Variants in LONP1 observed in about 807,000 individuals in gnomAD.
LONP1 encodes the protein lon protease homolog, mitochondrial.
LONP1 carries 31 observed loss-of-function variants against 98.5 expected under a neutral mutation model. The ratio of observed to expected loss-of-function variants is 0.31; its 90% confidence interval spans 0.24 to 0.42. The LOEUF is 0.42. Among genes scored for constraint, LONP1 ranks in the 20% least tolerant of loss-of-function variants. The probability of loss-of-function intolerance (pLI) is 1.00; values close to 1 mark genes in which losing one functional copy is unlikely to be tolerated. For missense variants in LONP1, 1,336 were observed against 1,350.6 expected, an observed-to-expected ratio of 0.99 and a Z score of 0.17; for synonymous variants, 781 against 594.7, an observed-to-expected ratio of 1.31 and a Z score of -4.56.
Position 5,719,785 on chromosome 19 carries a change from C to A in LONP1, c.348G>T (p.Thr116=). 1.2e-6 allele frequency: 2 copies of A among 1,613,216 alleles called. No individual in the cohort carries two copies. Among genetic ancestry groups the A allele is most frequent in the South Asian group, 1.1e-5 (1 of 91,076 alleles). The change falls in exon 1 of 18, where the codon ACG becomes ACT. Residue 116 remains threonine (T), a synonymous_variant. Coordinates refer to ENST00000360614, the MANE Select transcript of LONP1 (RefSeq NM_004793.4). ...GCAGGTGCGGAAACACATCGGGGATCGTCATGGGCGTGAGCGCCGTTATGA... is the reference window on the plus strand; with the variant it reads ...GCAGGTGCGGAAACACATCGGGGATAGTCATGGGCGTGAGCGCCGTTATGA... ...GPVITALTPM[T]IPDVFPHLPL...
intron 7 of LONP1, among the ~76,000 whole-genome samples, chr19:5,706,568 T>C (rs545560564): frequency 2.8e-4 from 42 of 152,102 alleles, no homozygotes; most frequent in Non-Finnish European, 3.7e-4. Context: ...GATTGCGCCA[T>C]TGCACTCCAG....
chr19:5,699,230 G>C, intron 9 of LONP1, 25 bp from the exon 10 acceptor site: 1 of 1,474,414 alleles, frequency 6.8e-7, no homozygotes, highest in Non-Finnish European at 9.0e-7. Flanking sequence ...AGGTTCAGTG[G>C]GCACGTGAGC....
intron 2 of LONP1, among the ~76,000 whole-genome samples, chr19:5,713,549 C>T (rs553767926): frequency 2.0e-5 from 3 of 152,136 alleles, no homozygotes; most frequent in Non-Finnish European, 2.9e-5. Context: ...GAGCCTGCTT[C>T]GAATGCATGC....
At position 5,720,115 on chromosome 19, in the gene LONP1, G is replaced by C; in HGVS notation, c.18C>G (p.Gly6=). Residue 6 remains glycine (G), a synonymous_variant, in exon 1 of 18, where the codon GGC becomes GGG. Coordinates refer to ENST00000360614, the MANE Select transcript of LONP1 (RefSeq NM_004793.4). The part of the protein sequence containing the change: MAAST[G]YVRLWGAARC... ...GCGCCGCTCCCCACAGTCGCACGTAGCCAGTGCTCGCCGCCATAGCCCGGC... is the reference window on the plus strand; with the variant it reads ...GCGCCGCTCCCCACAGTCGCACGTACCCAGTGCTCGCCGCCATAGCCCGGC... The C allele has an allele frequency of 7.0e-7, 1 of 1,432,102 alleles. No homozygotes were observed. Among genetic ancestry groups the C allele is most frequent in the Non-Finnish European group, 9.1e-7 (1 of 1,101,538 alleles). 88.7% of individuals were successfully genotyped at this position (1,432,102 alleles called of 1,614,324 possible).
chr19:5,710,229 C>A (rs1003967466), intron 4 of LONP1, among the ~76,000 whole-genome samples: 42 of 151,686 alleles, frequency 2.8e-4, no homozygotes, highest in Non-Finnish European at 5.9e-4. Flanking sequence ...GGATTACAGG[C>A]ATAAGCCACC....
chr19:5,693,066 C>T (rs768927042), intron 17 of LONP1, among the ~76,000 whole-genome samples: 6 of 152,340 alleles, frequency 3.9e-5, no homozygotes, highest in African/African-American at 1.2e-4. Context: ...GCCACCCCCC[C>T]AATCCTACTG....
chr19:5,717,421 C>T (rs1236910074), intron 1 of LONP1: 3 of 152,196 alleles, frequency 2.0e-5, no homozygotes, highest in African/African-American at 7.2e-5. Flanking sequence ...ACCAGAAATA[C>T]AATGAGAACC....
intron 4 of LONP1, 65 bp from the exon 5 acceptor site, chr19:5,708,468 G>GCC: frequency 7.3e-6 from 4 of 551,264 alleles, no homozygotes; most frequent in Non-Finnish European, 6.8e-6. Context: ...GGCTGGGTGG[G>GCC]AGCATGGCCC....
chr19:5,696,509 G>A (rs1189835829), intron 11 of LONP1, 138 bp from the exon 12 acceptor site: 2 of 1,342,196 alleles, frequency 1.5e-6, no homozygotes, highest in Admixed American at 2.2e-5. Context: ...GCAGCCTGCT[G>A]GGCGTGGCTG....
intron 9 of LONP1, among the ~76,000 whole-genome samples, chr19:5,699,742 T>C (rs1599456340): frequency 6.6e-6 from 1 of 151,578 alleles, no homozygotes; most frequent in East Asian, 2.0e-4. Context: ...GTATTTTTAG[T>C]AGAGGCGAGG....
At chr19:5,704,746 C>T (rs1335937687) in intron 8 of LONP1, among the ~76,000 whole-genome samples, 1 of 152,206 alleles carries the variant, frequency 6.6e-6, no homozygotes, top group East Asian at 1.9e-4. Flanking sequence ...GGACAGTGGC[C>T]CCCGGGCAAG....
intron 3 of LONP1, 46 bp downstream of exon 3, chr19:5,713,088 G>C (rs200303306): frequency 6.2e-7 from 1 of 1,612,588 alleles, no homozygotes; most frequent in East Asian, 2.2e-5. Flanking sequence ...GGTCTCCCGC[G>C]TGGTACTCTG....
At chr19:5,709,423 C>T (rs186037963) in intron 4 of LONP1, among the ~76,000 whole-genome samples, 5 of 152,046 alleles carry the variant, frequency 3.3e-5, no homozygotes, top group Admixed American at 1.3e-4. Context: ...ATCACTTGAA[C>T]CCAGGAGGCG....
chr19:5,717,724 G>T (rs1403146613), intron 1 of LONP1: 1 of 152,246 alleles, frequency 6.6e-6, no homozygotes, highest in African/African-American at 2.4e-5. Flanking sequence ...ACAGCATCAC[G>T]TTATTGCTGA....
Position 5,693,293 on chromosome 19 carries a change from C to T in LONP1, c.2703+5G>A, listed in dbSNP as rs752508824. 1 of 1,606,876 alleles carries T rather than the reference C, an allele frequency of 6.2e-7. No homozygotes were observed. Among genetic ancestry groups the T allele is most frequent in the Non-Finnish European group, 8.5e-7 (1 of 1,175,114 alleles). ...GTGCTGTGGGGTGGGTACAGGGACA[C>T]TCACCGCAATGGTCTTCTCCTTGAT... On this transcript the variant is annotated splice_donor_5th_base_variant and intron_variant, in intron 17 of 17. Coordinates refer to ENST00000360614, the MANE Select transcript of LONP1 (RefSeq NM_004793.4).
At position 5,710,463 on chromosome 19, in the gene LONP1, A is replaced by G. The variant is rs534312017; in HGVS notation, c.870+1308T>C. Among the ~76,000 whole-genome samples the G allele has an allele frequency of 1.1e-4, 16 of 152,074 alleles. No homozygotes were observed. In the East Asian group the frequency reaches 3.1e-3, roughly 29 times the overall value. On this transcript the variant is annotated intron_variant, in intron 4 of 17. Transcript: ENST00000360614. Reference sequence around the variant, plus strand: ...CAGGCTGGAGTGCAGTGATGCGATCACAGCTCACTGCAGCCTCAATCTCCT... The same window carrying G: ...CAGGCTGGAGTGCAGTGATGCGATCGCAGCTCACTGCAGCCTCAATCTCCT...
intron 9 of LONP1, 100 bp downstream of exon 9, chr19:5,700,689 T>C: frequency 1.3e-6 from 2 of 1,499,302 alleles, no homozygotes. Flanking sequence ...GCCTACGAAT[T>C]CACCAGGGGG....
chr19:5,704,004 G>C (rs976277241), intron 8 of LONP1, among the ~76,000 whole-genome samples: 1 of 152,204 alleles, frequency 6.6e-6, no homozygotes, highest in African/African-American at 2.4e-5. Flanking sequence ...AGGAGGCGGC[G>C]GCACAGGCCT....
Position 5,720,062 on chromosome 19 carries a change from A to G in LONP1, c.71T>C (p.Leu24Pro). ...ARCWVLRRPM[L>P]AAAGGRVPTA... ...GGGAACCCGCCCCCCGGCGGCGGCC[A>G]GCATCGGCCGCCGCAGCACCCAGCA... Residue 24 changes from leucine (L) to proline (P), a missense_variant, in exon 1 of 18, where the codon CTG becomes CCG. By Grantham distance (98) the Leu-to-Pro change is moderately conservative (BLOSUM62 -3). This residue lies in a region of LONP1 where 457 missense variants were observed against 403.1 expected (regional missense o/e 1.13). Coordinates refer to ENST00000360614, the MANE Select transcript of LONP1 (RefSeq NM_004793.4). 7.0e-7 allele frequency: 1 copy of G among 1,438,694 alleles called. No individual in the cohort carries two copies. Among genetic ancestry groups the G allele is most frequent in the Non-Finnish European group, 9.2e-7 (1 of 1,083,028 alleles). 89.1% of individuals were successfully genotyped at this position (1,438,694 alleles called of 1,614,324 possible).
Sources: gnomAD v4.1 joint callset for allele counts (sites outside exome capture counted in the v4.1 genomes callset) on GRCh38, gnomAD v4.1.1 for gene constraint, gnomAD v4.1.1 regional missense constraint, MANE v1.5 for transcripts, NCBI Gene and HGNC (gene_info 2026-07-23, HGNC 2026-07-21) for gene names.